The following AGAP1 variants were observed in gnomAD, a reference collection of about 807,000 sequenced individuals.
The protein encoded by AGAP1 is arf-GAP with GTPase, ANK repeat and PH domain-containing protein 1.
In AGAP1, 29 loss-of-function variants were observed where a neutral mutation model predicts 105.3. The observed-to-expected ratio is 0.28, with a 90% CI of 0.21 to 0.38. The LOEUF (loss-of-function observed/expected upper bound fraction) is 0.38. Among genes scored for constraint, AGAP1 ranks in the 10% least tolerant of loss-of-function variants. AGAP1 has a pLI of 1.00. For missense variants in AGAP1, 998 were observed against 1,165.1 expected (o/e 0.86, Z 2.09); for synonymous variants, 509 against 485.9 (o/e 1.05, Z -0.63).
At chr2:235,668,189 GATAA>G (rs954823574) in intron 1 of AGAP1, among the ~76,000 whole-genome samples, 6 of 152,098 alleles carry the variant, frequency 3.9e-5, no homozygotes, top group Non-Finnish European at 7.4e-5. Flanking sequence ...ATCCTTTCAA[GATAA>G]ATAAAGTGAA....
At chr2:235,815,566 G>A (rs190963803) in intron 9 of AGAP1, among the ~76,000 whole-genome samples, 3 of 152,274 alleles carry the variant, frequency 2.0e-5, no homozygotes, top group East Asian at 3.9e-4. Context: ...GCTGAGCTCT[G>A]TGTGACCGAG....
At chr2:235,995,433 G>A (rs2055767873) in intron 13 of AGAP1, among the ~76,000 whole-genome samples, 3 of 152,156 alleles carry the variant, frequency 2.0e-5, no homozygotes, top group African/African-American at 7.2e-5. Context: ...AGGATTGCTT[G>A]AACCTGAGAG....
chr2:235,639,162 G>A lies in AGAP1; in HGVS notation c.164-70017G>A, dbSNP rs1371300733. On this transcript the variant is annotated intron_variant, in intron 1 of 17. Transcript: ENST00000304032. The surrounding 1 kb of genome is among the most constrained non-coding windows in gnomAD (Gnocchi z 5.3). Reference sequence around the variant, plus strand: ...GGATGTGGGGCATGGGGAATTGGACGGATGATAGTGGCCCACAGGTTGAGA... The same window carrying A: ...GGATGTGGGGCATGGGGAATTGGACAGATGATAGTGGCCCACAGGTTGAGA... Among the ~76,000 whole-genome samples the A allele has an allele frequency of 6.6e-6, 1 of 152,128 alleles. No individual in the cohort carries two copies. Among genetic ancestry groups the A allele is most frequent in the South Asian group, 2.1e-4 (1 of 4,826 alleles).
At chr2:235,516,367 C>T (rs1023440723) in intron 1 of AGAP1, among the ~76,000 whole-genome samples, 3 of 152,154 alleles carry the variant, frequency 2.0e-5, no homozygotes, top group East Asian at 1.9e-4. Context: ...TTTTAAATCT[C>T]TTGTGGCACT....
intron 9 of AGAP1, among the ~76,000 whole-genome samples, chr2:235,819,178 A>T (rs188875082): frequency 5.3e-5 from 8 of 151,162 alleles, no homozygotes; most frequent in African/African-American, 1.9e-4. Flanking sequence ...AAATGGTGCA[A>T]TATCTTGGCT....
At chr2:236,069,523 A>G (rs1161364445) in intron 16 of AGAP1, among the ~76,000 whole-genome samples, 8 of 152,176 alleles carry the variant, frequency 5.3e-5, no homozygotes, top group Admixed American at 5.2e-4. Flanking sequence ...TCCCAGGTTC[A>G]AGTGATTCTC....
rs564901169 is a variant in AGAP1, at chr2:235,810,609, G to A, written c.1050+3278G>A. Among the ~76,000 whole-genome samples, 167 of 152,250 alleles carry A rather than the reference G, an allele frequency of 1.1e-3. 1 individual carries two copies. The highest frequency in any genetic ancestry group is 1.8e-3 in the Non-Finnish European group (122 of 68,028). On this transcript the variant is annotated intron_variant, in intron 9 of 17. Transcript: ENST00000304032. ...CCCTTTCACTTCCATCTGATACCTC[G>A]TTCGCTGTAAGCATCCAGGCTCCCC...
intron 1 of AGAP1, among the ~76,000 whole-genome samples, chr2:235,588,882 A>G (rs1452865688): frequency 6.6e-6 from 1 of 152,170 alleles, no homozygotes; most frequent in Non-Finnish European, 1.5e-5. Flanking sequence ...TCCGGCTGGG[A>G]AAGGTCCCGA....
At chr2:235,805,087 A>T (rs1220369980) in intron 8 of AGAP1, among the ~76,000 whole-genome samples, 2 of 152,170 alleles carry the variant, frequency 1.3e-5, no homozygotes, top group African/African-American at 2.4e-5. Flanking sequence ...AGACAAACTA[A>T]TTGTGGGGCT....
chr2:235,911,945 T>C (rs1481585709), intron 11 of AGAP1, among the ~76,000 whole-genome samples: 3 of 152,210 alleles, frequency 2.0e-5, no homozygotes, highest in Non-Finnish European at 4.4e-5. Context: ...AGAAAGTGCC[T>C]CACGGCCACA....
rs1951108875 is a variant in AGAP1 at position 235,716,438 on chromosome 2, C to T, written c.223-1119C>T. On this transcript the variant is annotated intron_variant, in intron 2 of 17. Transcript: ENST00000304032. This position sits in a 1 kb window ranked among gnomAD's most constrained non-coding sequence, Gnocchi z 4.0. Reference sequence around the variant, plus strand: ...GGGCAGTTTCCTGGTAGCAACAGGGCCAGAGCTTCAGATAATTTGAGTGGA... The same window carrying T: ...GGGCAGTTTCCTGGTAGCAACAGGGTCAGAGCTTCAGATAATTTGAGTGGA... Among the ~76,000 whole-genome samples the T allele has an allele frequency of 6.6e-6, 1 of 151,964 alleles. No homozygotes were observed. Among genetic ancestry groups the T allele is most frequent in the Non-Finnish European group, 1.5e-5 (1 of 68,004 alleles).
intron 1 of AGAP1, among the ~76,000 whole-genome samples, chr2:235,674,655 C>T (rs1339534135): frequency 6.6e-6 from 1 of 151,242 alleles, no homozygotes; most frequent in East Asian, 1.9e-4. Flanking sequence ...TTTCTGATTC[C>T]CTTGATTTGT....
At chr2:235,853,495 A>G (rs190632421) in intron 9 of AGAP1, among the ~76,000 whole-genome samples, 1 of 152,294 alleles carries the variant, frequency 6.6e-6, no homozygotes, top group Admixed American at 6.5e-5. Context: ...TTCCTCTTCT[A>G]CAGTCAGTGT....
intron 1 of AGAP1, among the ~76,000 whole-genome samples, chr2:235,588,141 A>G (rs1559270080): frequency 1.3e-5 from 2 of 151,892 alleles, no homozygotes; most frequent in Non-Finnish European, 2.9e-5. Context: ...GAGGCGGGAG[A>G]ATTGCTTGAA....
rs1367828615 is a variant in AGAP1, at chr2:235,842,235, G to A, written c.1050+34904G>A. Among the ~76,000 whole-genome samples the A allele has an allele frequency of 1.3e-5, 2 of 152,192 alleles. No homozygotes were observed. The highest frequency in any genetic ancestry group is 2.4e-5 in the African/African-American group (1 of 41,454). ...TTCTGTAGATAGAATTCAGGGGTCC[G>A]CGAATGTGGCTGGGGGGAAATTCAT... On this transcript the variant is annotated intron_variant, in intron 9 of 17. Coordinates refer to ENST00000304032, the MANE Select transcript of AGAP1 (RefSeq NM_001037131.3). The surrounding 1 kb of genome is among the most constrained non-coding windows in gnomAD (Gnocchi z 5.3).
At chr2:235,548,654 C>CAAAA (rs10643148) in intron 1 of AGAP1, among the ~76,000 whole-genome samples, 10 of 135,168 alleles carry the variant, frequency 7.4e-5, no homozygotes, top group East Asian at 6.4e-4. Flanking sequence ...ACTCCGTCTT[C>CAAAA]AAAAAAAAAA....
At chr2:235,762,918 C>T (rs977247534) in intron 6 of AGAP1, among the ~76,000 whole-genome samples, 6 of 151,964 alleles carry the variant, frequency 3.9e-5, no homozygotes, top group African/African-American at 9.7e-5. Flanking sequence ...TCAGTGAGTA[C>T]GTTGGATGTT....
Position 236,124,036 on chromosome 2 carries a change from C to T in AGAP1, c.2488C>T (p.Arg830Cys), listed in dbSNP as rs1448822927. The T allele has an allele frequency of 1.2e-6, 2 of 1,614,080 alleles. No individual in the cohort carries two copies. The highest frequency in any genetic ancestry group is 1.3e-5 in the African/African-American group (1 of 75,042). Residue 830 changes from arginine to cysteine, a missense_variant, in exon 18 of 18, where the codon CGC becomes TGC. By Grantham distance (180) the Arg-to-Cys change is radical. Around this residue, in one of 3 missense-constraint regions of AGAP1, gnomAD observed 235 missense variants for 270.7 expected, o/e 0.87. Transcript: ENST00000304032. The surrounding 1 kb of genome is among the most constrained non-coding windows in gnomAD (Gnocchi z 5.1). ...VLLQYGCPDERFVLMATPNLS... is the reference protein window; with the variant it reads ...VLLQYGCPDECFVLMATPNLS... ...GCTGCAGTACGGCTGCCCCGACGAG[C>T]GCTTCGTGCTCATGGCCACCCCTAA...
intron 1 of AGAP1, among the ~76,000 whole-genome samples, chr2:235,539,525 T>C (rs755986805): frequency 5.3e-5 from 8 of 152,138 alleles, no homozygotes; most frequent in Admixed American, 1.3e-4. Context: ...ATTTTTTGGG[T>C]TGTGTCTATT....
Sources: gnomAD v4.1 joint callset for allele counts (sites outside exome capture counted in the v4.1 genomes callset) on GRCh38, gnomAD v4.1.1 for gene constraint, gnomAD v4.1.1 regional missense constraint, Gnocchi (gnomAD v3.1) non-coding constraint, MANE v1.5 for transcripts, NCBI Gene and HGNC (gene_info 2026-07-23, HGNC 2026-07-21) for gene names.